Variants in CNTNAP4 observed in about 807,000 individuals in gnomAD.
CNTNAP4 encodes contactin-associated protein-like 4.
A neutral mutation model predicts 148.4 loss-of-function variants in CNTNAP4; 98 were observed. The observed-to-expected ratio is 0.66, with a 90% CI of 0.56 to 0.78. The LOEUF (loss-of-function observed/expected upper bound fraction) is 0.78, where lower values mean the gene tolerates loss of function less well. CNTNAP4 is among the 30% of genes least tolerant of loss of function. CNTNAP4 has a pLI of 0.00. For synonymous variants in CNTNAP4, 730 were observed against 565.1 expected, an observed-to-expected ratio of 1.29 and a Z score of -4.14; for missense variants, 1,935 against 1,565.6, an observed-to-expected ratio of 1.24 and a Z score of -3.98.
intron 3 of CNTNAP4, 29 bp from the exon 4 acceptor site, chr16:76,427,423 T>C (rs370802690): frequency 1.1e-5 from 18 of 1,588,488 alleles, no homozygotes; most frequent in Admixed American, 5.3e-5. Flanking sequence ...TCCAGATACA[T>C]TGATGTGCTT....
intron 4 of CNTNAP4, among the ~76,000 whole-genome samples, chr16:76,430,531 A>G (rs1416419883): frequency 1.3e-5 from 2 of 152,168 alleles, no homozygotes; most frequent in East Asian, 1.9e-4. Context: ...AATCCCTATT[A>G]AAAGGAAAAG....
intron 2 of CNTNAP4, among the ~76,000 whole-genome samples, chr16:76,324,770 C>T (rs1216227403): frequency 6.6e-6 from 1 of 152,088 alleles, no homozygotes; most frequent in South Asian, 2.1e-4. Flanking sequence ...GTGACCTTTC[C>T]TGGTACTTAC....
chr16:76,434,788 A>G (rs1305268234), intron 4 of CNTNAP4, among the ~76,000 whole-genome samples: 1 of 152,246 alleles, frequency 6.6e-6, no homozygotes, highest in East Asian at 1.9e-4. Context: ...GCTGCTAAGT[A>G]TGTCTGTGCC....
chr16:76,486,583 G>A (rs2082036245), intron 12 of CNTNAP4, among the ~76,000 whole-genome samples: 4 of 152,250 alleles, frequency 2.6e-5, no homozygotes, highest in Admixed American at 6.5e-5. Context: ...GGCAACCTAC[G>A]TTAAAGGATG....
chr16:76,352,150 AAAT>A (rs1164761703), intron 2 of CNTNAP4, among the ~76,000 whole-genome samples: 6 of 152,340 alleles, frequency 3.9e-5, no homozygotes, highest in African/African-American at 1.4e-4. Flanking sequence ...TAAACAAAAA[AAAT>A]GACAAAAATA....
At chr16:76,377,223 C>G (rs140691686) in intron 3 of CNTNAP4, among the ~76,000 whole-genome samples, 163 of 152,190 alleles carry the variant, frequency 1.1e-3, no homozygotes, top group African/African-American at 3.8e-3. Context: ...ATTTGCTTTA[C>G]TTAGTGTCTA....
chr16:76,421,623 C>T (rs2079193687), intron 3 of CNTNAP4, among the ~76,000 whole-genome samples: 1 of 152,086 alleles, frequency 6.6e-6, no homozygotes, highest in Non-Finnish European at 1.5e-5. Flanking sequence ...TACCTGACAT[C>T]ATAAAATTAA....
chr16:76,353,184 T>G (rs867717172), intron 2 of CNTNAP4, among the ~76,000 whole-genome samples: 2 of 152,126 alleles, frequency 1.3e-5, no homozygotes, highest in African/African-American at 4.8e-5. Context: ...TTTTGACACA[T>G]GGAGTGGAAT....
chr16:76,315,101 G>A (rs1425060591), intron 1 of CNTNAP4, among the ~76,000 whole-genome samples: 1 of 152,010 alleles, frequency 6.6e-6, no homozygotes. Flanking sequence ...TTTTACTGGC[G>A]TGTATTATAC....
At chr16:76,324,738 T>G (rs1053864483) in intron 2 of CNTNAP4, among the ~76,000 whole-genome samples, 2 of 152,130 alleles carry the variant, frequency 1.3e-5, no homozygotes, top group Non-Finnish European at 2.9e-5. Flanking sequence ...TACTGATAGC[T>G]CTCTCCTGAA....
At chr16:76,373,445 TC>T (rs2015078236) in intron 3 of CNTNAP4, among the ~76,000 whole-genome samples, 1 of 152,232 alleles carries the variant, frequency 6.6e-6, no homozygotes, top group Non-Finnish European at 1.5e-5. Flanking sequence ...ATTGGCCTTG[TC>T]TAAGATTTTT....
chr16:76,277,838 G>T lies in CNTNAP4; in HGVS notation c.85+91G>T, dbSNP rs1958537291. 4 of 835,550 alleles carry T rather than the reference G, an allele frequency of 4.8e-6. No individual in the cohort carries two copies. The Admixed American group carries it at 8.1e-5, about 17-fold the overall frequency. The allele number at this position is 835,550 out of a possible 1,614,324, so 51.8% of individuals were successfully genotyped here. ...TTTGATGATGATTATTTGCAGCTGG[G>T]ATTGCTGCAAAGCGTATTGCTGTAA... is the stretch of plus-strand genomic sequence containing the variant. On this transcript the variant is annotated intron_variant, in intron 1 of 23. Transcript: ENST00000611870.
At chr16:76,382,274 A>C (rs543815091) in intron 3 of CNTNAP4, among the ~76,000 whole-genome samples, 1 of 152,232 alleles carries the variant, frequency 6.6e-6, no homozygotes, top group South Asian at 2.1e-4. Flanking sequence ...CAAATAAACT[A>C]TTTGTTGTTT....
At chr16:76,392,276 G>C (rs2078050906) in intron 3 of CNTNAP4, among the ~76,000 whole-genome samples, 1 of 152,198 alleles carries the variant, frequency 6.6e-6, no homozygotes, top group African/African-American at 2.4e-5. Flanking sequence ...TTACAGGCAT[G>C]AGCCACTGTG....
rs769170346 is a variant in CNTNAP4, at chr16:76,498,656, C to G, written c.2327C>G (p.Ala776Gly). ...GACACAGGCCGACTGCATTCAGAAG[C>G]AGCTTATAAACTGGGGCCTCTGCTC... is the stretch of plus-strand genomic sequence containing the variant. ...ITDTGRLHSEAAYKLGPLLCQ... is the reference protein window; with the variant it reads ...ITDTGRLHSEGAYKLGPLLCQ... Residue 776 changes from alanine (A) to glycine (G), a missense_variant, in exon 15 of 24, where the codon GCA becomes GGA. Coordinates refer to ENST00000611870, the MANE Select transcript of CNTNAP4 (RefSeq NM_033401.5). The G allele has an allele frequency of 6.2e-7, 1 of 1,612,664 alleles. No individual in the cohort carries two copies. Among genetic ancestry groups the G allele is most frequent in the Non-Finnish European group, 8.5e-7 (1 of 1,179,254 alleles).
At chr16:76,394,684 ACTTAAATATTTTGAT>A (rs2144789137) in intron 3 of CNTNAP4, among the ~76,000 whole-genome samples, 1 of 152,304 alleles carries the variant, frequency 6.6e-6, no homozygotes, top group Non-Finnish European at 1.5e-5. Context: ...TTGAAATTCA[ACTTAAATATTTTGAT>A]ACCTACTTAA....
chr16:76,312,471 T>G (rs911308034), intron 1 of CNTNAP4, among the ~76,000 whole-genome samples: 3 of 152,154 alleles, frequency 2.0e-5, no homozygotes, highest in Admixed American at 6.5e-5. Context: ...AATTCCAAAT[T>G]TAATTTATAT....
intron 1 of CNTNAP4, among the ~76,000 whole-genome samples, chr16:76,284,833 C>T (rs946475088): frequency 2.6e-5 from 4 of 151,998 alleles, no homozygotes; most frequent in Non-Finnish European, 4.4e-5. Context: ...GATTTTTAGG[C>T]TCTCCAAAGT....
chr16:76,377,485 A>T (rs2015537771), intron 3 of CNTNAP4, among the ~76,000 whole-genome samples: 1 of 152,162 alleles, frequency 6.6e-6, no homozygotes, highest in African/African-American at 2.4e-5. Context: ...ATAATTTCAA[A>T]GATGGTGCAA....
Sources: allele counts gnomAD v4.1 joint callset (sites outside exome capture counted in the v4.1 genomes callset), GRCh38; gene constraint gnomAD v4.1.1; transcripts MANE v1.5; gene names NCBI Gene and HGNC (gene_info 2026-07-23, HGNC 2026-07-21).